The following TBX18 variants were observed in gnomAD, a reference collection of about 807,000 sequenced individuals.
TBX18 encodes T-box transcription factor TBX18.
TBX18 carries 21 observed loss-of-function variants against 55.0 expected under a neutral mutation model. The observed-to-expected ratio is 0.38, with a 90% CI of 0.27 to 0.55. The LOEUF (loss-of-function observed/expected upper bound fraction) is 0.55, where lower values mean the gene tolerates loss of function less well. Among genes scored for constraint, TBX18 ranks in the 20% least tolerant of loss-of-function variants. The probability of loss-of-function intolerance (pLI) is 0.73; values close to 1 mark genes in which losing one functional copy is unlikely to be tolerated. For missense variants in TBX18, 840 were observed against 799.6 expected (o/e 1.05, Z -0.61); for synonymous variants, 342 against 326.1 (o/e 1.05, Z -0.53).
chr6:84,746,077 C>T (rs1161194561), intron 5 of TBX18, among the ~76,000 whole-genome samples: 3 of 152,128 alleles, frequency 2.0e-5, no homozygotes, highest in Non-Finnish European at 4.4e-5. Context: ...TTATCAATTT[C>T]TCCTCTAATC....
intron 6 of TBX18, among the ~76,000 whole-genome samples, chr6:84,739,464 C>G (rs753670288): frequency 2.4e-4 from 36 of 152,056 alleles, no homozygotes; most frequent in Non-Finnish European, 7.4e-5. Context: ...TGACTAAGTC[C>G]TCTGGGTTCT....
intron 4 of TBX18, among the ~76,000 whole-genome samples, chr6:84,753,378 T>G (rs921890364): frequency 2.0e-5 from 3 of 151,598 alleles, no homozygotes; most frequent in Admixed American, 1.3e-4. Flanking sequence ...TAAGGAGTTC[T>G]CAAGTCACTA....
chr6:84,750,985 C>G (rs1019782457), intron 4 of TBX18, among the ~76,000 whole-genome samples: 2 of 151,966 alleles, frequency 1.3e-5, no homozygotes, highest in African/African-American at 4.8e-5. Context: ...AAGGGAGAAC[C>G]CTTCCTCTTC....
rs1278183106 is a variant in TBX18 at position 84,736,001 on chromosome 6, G to A, written c.*684C>T. The A allele has an allele frequency of 6.6e-6, 1 of 151,912 alleles. No homozygotes were observed. The highest frequency in any genetic ancestry group is 1.5e-5 in the Non-Finnish European group (1 of 67,994). The allele number at this position is 151,912 out of a possible 1,614,324, so 9.4% of individuals were successfully genotyped here. ...CTACAGATGAATAAGAACCTCTTAT[G>A]TGCCCAATGGAAAGTGTAAAAAAAA... On this transcript the variant is annotated 3_prime_UTR_variant, in exon 8 of 8. Transcript: ENST00000369663.
rs940133999 is a variant in TBX18 at position 84,744,275 on chromosome 6, G to A, written c.990C>T (p.Asp330=). 1 of 1,612,732 alleles carries A rather than the reference G, an allele frequency of 6.2e-7. No individual in the cohort carries two copies. The highest frequency in any genetic ancestry group is 1.1e-5 in the South Asian group (1 of 90,906). The change falls in exon 6 of 8, where the codon GAC becomes GAT. Residue 330 remains aspartate (D), a synonymous_variant. Coordinates refer to ENST00000369663, the MANE Select transcript of TBX18 (RefSeq NM_001080508.3). ...DRNPFAKGFR[D]SGRNRMGLEA... ...CTAAGGCCCACCTGTTGCGCCCGGA[G>A]TCTCGGAAGCCTTTAGCAAATGGAT...
Position 84,763,396 on chromosome 6 carries a change from G to A in TBX18, c.292+494C>T, listed in dbSNP as rs768221534. 128 of 458,004 alleles carry A rather than the reference G, an allele frequency of 2.8e-4. 2 individuals carry two copies. The highest frequency in any genetic ancestry group is 4.1e-4 in the Non-Finnish European group (94 of 227,928). The allele number at this position is 458,004 out of a possible 1,614,324, so 28.4% of individuals were successfully genotyped here. The stretch of plus-strand genomic sequence containing the variant: ...GTCGGCCTTGGCAGAGAAATCAAGA[G>A]GAGAAGGGAAGGGAACCGCTCAACT... On this transcript the variant is annotated intron_variant, in intron 1 of 7. Transcript: ENST00000369663.
At chr6:84,755,879 A>T (rs1381853334) in intron 4 of TBX18, among the ~76,000 whole-genome samples, 4 of 152,250 alleles carry the variant, frequency 2.6e-5, no homozygotes, top group Non-Finnish European at 2.9e-5. Flanking sequence ...AGATATTCTC[A>T]TAAATATGCT....
At position 84,748,094 on chromosome 6, in the gene TBX18, C is replaced by A; in HGVS notation, c.772-7G>T. On this transcript the variant is annotated splice_polypyrimidine_tract_variant and splice_region_variant and intron_variant, in intron 4 of 7. Coordinates refer to ENST00000369663, the MANE Select transcript of TBX18 (RefSeq NM_001080508.3). ...GCATAGAATGAAGAATAATCTATAT[C>A]AAAGAAGGAAAAGCTGAATTTATCA... The A allele has an allele frequency of 6.3e-7, 1 of 1,587,768 alleles. No individual in the cohort carries two copies. Among genetic ancestry groups the A allele is most frequent in the Non-Finnish European group, 8.6e-7 (1 of 1,162,006 alleles).
At chr6:84,763,524 C>T (rs1466504578) in intron 1 of TBX18, 3 of 508,690 alleles carry the variant, frequency 5.9e-6, no homozygotes, top group East Asian at 1.1e-4. Context: ...TGCCGTCGCT[C>T]CCCTCCTCCC....
intron 4 of TBX18, among the ~76,000 whole-genome samples, chr6:84,756,486 A>G (rs1219571360): frequency 6.6e-6 from 1 of 152,288 alleles, no homozygotes; most frequent in Non-Finnish European, 1.5e-5. Context: ...AAAATGCAGT[A>G]TCTAGTTTTA....
intron 2 of TBX18, 98 bp from the exon 3 acceptor site, chr6:84,760,454 T>A: frequency 1.5e-6 from 1 of 684,978 alleles, no homozygotes; most frequent in Non-Finnish European, 2.4e-6. Flanking sequence ...TCTCTATTTT[T>A]AATATGGATA....
At position 84,745,242 on chromosome 6, in the gene TBX18, G is replaced by GT. The variant is rs538595512; in HGVS notation, c.940-918dup. On this transcript the variant is annotated intron_variant, in intron 5 of 7. Coordinates refer to ENST00000369663, the MANE Select transcript of TBX18 (RefSeq NM_001080508.3). Reference sequence around the variant, plus strand: ...AATGGTTTAATTATCTCCATTAATAGTTTTTTTAGTTATGCCATCCTGAAC... The same window carrying GT: ...AATGGTTTAATTATCTCCATTAATAGTTTTTTTTAGTTATGCCATCCTGAAC... 7.2e-4 allele frequency among the ~76,000 whole-genome samples: 110 copies of GT among 152,168 alleles called. 1 individual carries two copies. Among genetic ancestry groups the GT allele is most frequent in the African/African-American group, 2.5e-3 (105 of 41,530 alleles).
intron 4 of TBX18, among the ~76,000 whole-genome samples, chr6:84,750,265 C>T (rs919852817): frequency 6.0e-5 from 8 of 134,288 alleles, no homozygotes; most frequent in Non-Finnish European, 1.1e-4. Context: ...AGCCTGGTGA[C>T]AGAGCGAGAT....
chr6:84,756,447 T>G (rs1175420296), intron 4 of TBX18, among the ~76,000 whole-genome samples: 1 of 152,230 alleles, frequency 6.6e-6, no homozygotes, highest in Non-Finnish European at 1.5e-5. Context: ...CCTAACAACA[T>G]CTCTGCTTCC....
chr6:84,751,871 G>A (rs1477245753), intron 4 of TBX18, among the ~76,000 whole-genome samples: 3 of 152,160 alleles, frequency 2.0e-5, no homozygotes, highest in Admixed American at 2.0e-4. Context: ...TGAACCATTT[G>A]ATTATTAACT....
intron 2 of TBX18, among the ~76,000 whole-genome samples, chr6:84,761,430 C>T (rs189615412): frequency 6.6e-6 from 1 of 152,284 alleles, no homozygotes; most frequent in Admixed American, 6.5e-5. Flanking sequence ...GAGTAAAGGT[C>T]TTTAACTACA....
chr6:84,737,135 C>A lies in TBX18; in HGVS notation c.1374G>T (p.Val458=), dbSNP rs1295168428. 1.9e-6 allele frequency: 3 copies of A among 1,614,172 alleles called. No homozygotes were observed. The highest frequency in any genetic ancestry group is 2.5e-6 in the Non-Finnish European group (3 of 1,180,018). The change falls in exon 8 of 8, where the codon GTG becomes GTT. Residue 458 remains valine, a synonymous_variant. Coordinates refer to ENST00000369663, the MANE Select transcript of TBX18 (RefSeq NM_001080508.3). ...TFAPPRTPSY[V]GVSSSTSVNM... The stretch of plus-strand genomic sequence containing the variant: ...TCACGGAGGTGCTGCTGCTCACGCC[C>A]ACATAGGAGGGAGTCCTGGGCGGGG...
chr6:84,764,029 G>C lies in TBX18; in HGVS notation c.153C>G (p.Asp51Glu), dbSNP rs764286792. 4 of 1,555,410 alleles carry C rather than the reference G, an allele frequency of 2.6e-6. No individual in the cohort carries two copies. In the African/African-American group the frequency reaches 5.4e-5, roughly 21 times the overall value. ...CGCCGCCGCGGCTGCAGCCTCCGTC[G>C]TCCACGGCCCCCGCCGCCTCTTCGG... is the stretch of plus-strand genomic sequence containing the variant. ...LGAEEAAGAV[D>E]DGGCSRGGGA... Residue 51 changes from aspartate to glutamate, a missense_variant, in exon 1 of 8, where the codon GAC (aspartate) becomes GAG (glutamate). By Grantham distance (45) the Asp-to-Glu change is conservative. Transcript: ENST00000369663.
intron 4 of TBX18, 108 bp from the exon 5 acceptor site, chr6:84,748,195 A>AATC: frequency 1.2e-6 from 1 of 813,068 alleles, no homozygotes; most frequent in Non-Finnish European, 1.8e-6. Context: ...AATCATTTCC[A>AATC]AGGATGCAGA....
Sources: gnomAD v4.1 joint callset for allele counts (sites outside exome capture counted in the v4.1 genomes callset) on GRCh38, gnomAD v4.1.1 for gene constraint, MANE v1.5 for transcripts, NCBI Gene and HGNC (gene_info 2026-07-23, HGNC 2026-07-21) for gene names.